MALRD1: variants seen among roughly 807,000 people sequenced by gnomAD.
MALRD1 encodes the protein MAM and LDL-receptor class A domain-containing protein 1.
A neutral mutation model predicts 242.1 loss-of-function variants in MALRD1; 247 were observed. The observed-to-expected ratio is 1.02, with a 90% confidence interval of 0.92 to 1.13. The LOEUF is 1.13. MALRD1 is among the 50% of genes most tolerant of loss of function. MALRD1 has a pLI of 0.00. For synonymous variants in MALRD1, 995 were observed against 866.6 expected, an observed-to-expected ratio of 1.15 and a Z score of -2.60; for missense variants, 2,989 against 2,533.1, an observed-to-expected ratio of 1.18 and a Z score of -3.86.
chr10:19,204,313 T>C lies in MALRD1; in HGVS notation c.2110T>C (p.Phe704Leu), dbSNP rs564847319. The part of the protein sequence containing the change: ...DHSLNASQGH[F>L]MFILKKSSSL... ...TTTTTTTTTTATCTCAACAGGGCAT[T>C]TTATGTTCATTCTGAAGAAAAGCAG... The change falls in exon 16 of 40, where the codon TTT becomes CTT. Residue 704 changes from phenylalanine to leucine, a missense_variant. Transcript: ENST00000454679. 13 of 1,530,838 alleles carry C rather than the reference T, an allele frequency of 8.5e-6. 1 individual carries two copies. In the South Asian group the frequency reaches 1.2e-4, roughly 15 times the overall value. The allele number at this position is 1,530,838 out of a possible 1,614,324, so 94.8% of individuals were successfully genotyped here.
In MALRD1 at chr10:19,107,565, CT is replaced by C. The variant is rs201379420; in HGVS notation, c.694+3504del. Among the ~76,000 whole-genome samples, 1,161 of 132,166 alleles carry C rather than the reference CT, an allele frequency of 8.8e-3. 7 individuals are homozygous for C. Among genetic ancestry groups the C allele is most frequent in the African/African-American group, 0.02 (744 of 37,120 alleles). The allele number at this position is 132,166 out of a possible 152,430, so 86.7% of individuals were successfully genotyped here. A position where few individuals can be genotyped will look rare whatever the true frequency, so the allele number is the denominator to read the frequency against. On this transcript the variant is annotated intron_variant, in intron 5 of 39. Coordinates refer to ENST00000454679, the MANE Select transcript of MALRD1 (RefSeq NM_001142308.3). The stretch of plus-strand genomic sequence containing the variant: ...TCTTCTAGGCAGCATATAATTTGGT[CT>C]TTTTTTTTTTTTTAATCTACTCATC...
chr10:19,592,893 A>G (rs1837891343), intron 33 of MALRD1, among the ~76,000 whole-genome samples: 1 of 152,060 alleles, frequency 6.6e-6, no homozygotes, highest in South Asian at 2.1e-4. Flanking sequence ...TAGCTAAGTC[A>G]TAGATGTATT....
At chr10:19,365,920 C>G (rs990299858) in intron 26 of MALRD1, among the ~76,000 whole-genome samples, 4 of 151,972 alleles carry the variant, frequency 2.6e-5, no homozygotes, top group African/African-American at 4.8e-5. Context: ...TCAGAGGCAA[C>G]CAGTATTTTG....
intron 36 of MALRD1, among the ~76,000 whole-genome samples, chr10:19,676,521 A>C (rs1842146396): frequency 6.6e-6 from 1 of 152,196 alleles, no homozygotes; most frequent in Non-Finnish European, 1.5e-5. Flanking sequence ...CATGATTTGA[A>C]ATTGACTTAA....
At chr10:19,202,460 T>C (rs969029456) in intron 14 of MALRD1, among the ~76,000 whole-genome samples, 6 of 152,190 alleles carry the variant, frequency 3.9e-5, no homozygotes, top group Non-Finnish European at 7.3e-5. Context: ...CAAAATGATA[T>C]TTTTATCATT....
intron 36 of MALRD1, among the ~76,000 whole-genome samples, chr10:19,681,453 T>C (rs114327461): frequency 0.011 from 1,649 of 152,232 alleles, 28 homozygotes; most frequent in African/African-American, 0.037. Flanking sequence ...AGTTTGGCTA[T>C]TGATATTTGC....
chr10:19,578,001 A>T (rs146524867), intron 33 of MALRD1, among the ~76,000 whole-genome samples: 3 of 152,194 alleles, frequency 2.0e-5, no homozygotes, highest in African/African-American at 7.2e-5. Context: ...GAGAGGCTAC[A>T]TTTATTAAGA....
rs539804076 is a variant in MALRD1, at chr10:19,683,972, C to T, written c.6138-8310C>T. Among the ~76,000 whole-genome samples the T allele has an allele frequency of 5.5e-4, 83 of 152,164 alleles. 1 individual carries two copies. Among genetic ancestry groups the T allele is most frequent in the Non-Finnish European group, 1.0e-4 (7 of 68,016 alleles). ...GGCCCCGGTGTGTGATGTTCCCCTC[C>T]CTGTGTCCATGTGTTCTCATTGTTC... On this transcript the variant is annotated intron_variant, in intron 36 of 39. Transcript: ENST00000454679.
chr10:19,535,104 T>G (rs1834603517), intron 32 of MALRD1, among the ~76,000 whole-genome samples: 1 of 152,136 alleles, frequency 6.6e-6, no homozygotes, highest in Admixed American at 6.5e-5. Context: ...CAGGCTGGTC[T>G]TAATCTCCTG....
chr10:19,434,988 G>T (rs1467074900), intron 28 of MALRD1, among the ~76,000 whole-genome samples: 1 of 151,504 alleles, frequency 6.6e-6, no homozygotes, highest in Non-Finnish European at 1.5e-5. Flanking sequence ...TTAAAATATT[G>T]AAAGCTATGC....
At chr10:19,060,522 T>G (rs1308320141) in intron 1 of MALRD1, among the ~76,000 whole-genome samples, 2 of 152,196 alleles carry the variant, frequency 1.3e-5, no homozygotes, top group African/African-American at 4.8e-5. Context: ...CCCTTACCCT[T>G]GCCTGGCCTC....
At chr10:19,290,189 T>G (rs1841340347) in intron 21 of MALRD1, 1 of 152,206 alleles carries the variant, frequency 6.6e-6, no homozygotes, top group Non-Finnish European at 1.5e-5. Context: ...TTTAATGGAC[T>G]ATCCTTGGTA....
intron 21 of MALRD1, among the ~76,000 whole-genome samples, chr10:19,293,307 G>A (rs1374715703): frequency 6.6e-6 from 1 of 152,142 alleles, no homozygotes; most frequent in African/African-American, 2.4e-5. Context: ...GACACCAAAT[G>A]CAAGTATGTA....
At chr10:19,683,527 A>T (rs1055820117) in intron 36 of MALRD1, among the ~76,000 whole-genome samples, 1 of 152,220 alleles carries the variant, frequency 6.6e-6, no homozygotes, top group East Asian at 1.9e-4. Context: ...GCTAGAAAGC[A>T]GCAGAGTCTA....
chr10:19,466,386 C>T (rs1015673469), intron 29 of MALRD1, among the ~76,000 whole-genome samples: 2 of 152,038 alleles, frequency 1.3e-5, no homozygotes, highest in Admixed American at 1.3e-4. Context: ...AAGAAGCCCC[C>T]TAAAATTAAA....
chr10:19,252,484 A>G (rs147373801), intron 18 of MALRD1, among the ~76,000 whole-genome samples: 1 of 152,204 alleles, frequency 6.6e-6, no homozygotes, highest in Non-Finnish European at 1.5e-5. Context: ...ACATTAGCTA[A>G]GAAGAAATAC....
At chr10:19,418,914 T>C (rs1833611763) in intron 28 of MALRD1, among the ~76,000 whole-genome samples, 1 of 152,204 alleles carries the variant, frequency 6.6e-6, no homozygotes, top group African/African-American at 2.4e-5. Context: ...CCTGGGACAG[T>C]GCCCTTTATC....
intron 29 of MALRD1, chr10:19,489,106 A>G (rs1242514085): frequency 6.5e-6 from 3 of 463,742 alleles, no homozygotes; most frequent in African/African-American, 2.0e-5. Context: ...AATGCCCAAG[A>G]GGAAGGTCAG....
At chr10:19,279,941 A>G (rs1232709769) in intron 19 of MALRD1, 106 bp from the exon 20 acceptor site, 8 of 914,902 alleles carry the variant, frequency 8.7e-6, no homozygotes, top group African/African-American at 1.7e-5. Flanking sequence ...ACTGTTCTCT[A>G]TGATATTGTG....
Sources: allele counts gnomAD v4.1 joint callset (sites outside exome capture counted in the v4.1 genomes callset), GRCh38; gene constraint gnomAD v4.1.1; transcripts MANE v1.5; gene names NCBI Gene and HGNC (gene_info 2026-07-23, HGNC 2026-07-21).